Variants in EP400 observed in about 807,000 individuals in gnomAD.
The protein encoded by EP400 is E1A binding protein p400, also known as E1A-binding protein p400.
A neutral mutation model predicts 354.1 loss-of-function variants in EP400; 105 were observed. The ratio of observed to expected loss-of-function variants is 0.30; its 90% CI spans 0.25 to 0.35. The LOEUF is 0.35. Ranked by LOEUF, EP400 falls within the 10% of genes least tolerant of loss-of-function variation. The pLI, the probability that EP400 is intolerant of heterozygous loss-of-function variation, is 1.00. For synonymous variants in EP400, 1,646 were observed against 1,716.9 expected (o/e 0.96, Z 1.02); for missense variants, 3,280 against 4,121.0 (o/e 0.80, Z 5.59).
chr12:132,019,363 G>T (rs573183324), intron 21 of EP400, among the ~76,000 whole-genome samples: 1 of 152,178 alleles, frequency 6.6e-6, no homozygotes, highest in Admixed American at 6.5e-5. Context: ...TTTGATGGCC[G>T]TCTCTGCCTG....
At chr12:132,006,496 G>A (rs922394629) in intron 14 of EP400, among the ~76,000 whole-genome samples, 194 bp downstream of exon 14, 2 of 152,226 alleles carry the variant, frequency 1.3e-5, no homozygotes, top group African/African-American at 4.8e-5. Context: ...CTTAAGGCCA[G>A]ATGTTCAGGC....
chr12:132,013,058 A>G lies in EP400; in HGVS notation c.3491A>G (p.Gln1164Arg), dbSNP rs1398603627. 1 of 1,614,020 alleles carries G rather than the reference A, an allele frequency of 6.2e-7. No individual in the cohort carries two copies. Among genetic ancestry groups the G allele is most frequent in the Non-Finnish European group, 8.5e-7 (1 of 1,180,040 alleles). ...SFHVCITSYT[Q>R]FFRGLTAFTR... ...CACGTCTGCATCACGTCCTACACTC[A>G]GTTCTTCCGGGGCCTCACCGCCTTC... is the stretch of plus-strand genomic sequence containing the variant. Residue 1164 changes from glutamine (Q) to arginine (R), a missense_variant, in exon 17 of 53, where the codon CAG becomes CGG. Gln to Arg is a conservative substitution (Grantham distance 43). This residue lies in a region of EP400 where 242 missense variants were observed against 357.9 expected (regional missense o/e 0.68). Transcript: ENST00000389561. This position sits in a 1 kb window ranked among gnomAD's most constrained non-coding sequence, Gnocchi z 4.5.
At chr12:132,033,560 G>A (rs1894595580) in intron 30 of EP400, among the ~76,000 whole-genome samples, 1 of 146,522 alleles carries the variant, frequency 6.8e-6, no homozygotes. Flanking sequence ...TTTTTTTTGA[G>A]ACGGTCTGTT....
intron 12 of EP400, among the ~76,000 whole-genome samples, chr12:131,996,081 A>G (rs1758817337): frequency 6.6e-6 from 1 of 152,186 alleles, no homozygotes; most frequent in Non-Finnish European, 1.5e-5. Flanking sequence ...AGGTGTTGCT[A>G]TCAGTGTCTT....
chr12:131,996,842 G>A (rs773610131), intron 12 of EP400, among the ~76,000 whole-genome samples: 9 of 152,166 alleles, frequency 5.9e-5, no homozygotes, highest in Middle Eastern at 3.4e-3. Context: ...TGTTGGTGAT[G>A]GTCTTTATAT....
intron 12 of EP400, among the ~76,000 whole-genome samples, chr12:132,004,820 C>T (rs1334657504): frequency 6.6e-6 from 1 of 152,150 alleles, no homozygotes; most frequent in East Asian, 1.9e-4. Context: ...TCTCATCATT[C>T]CCCTTGCATC....
chr12:131,962,188 A>G (rs6598182), intron 2 of EP400, among the ~76,000 whole-genome samples: 106,592 of 152,132 alleles, frequency 0.7, 42,547 homozygotes, highest in Non-Finnish European at 0.89. Context: ...GAGCTGCGCT[A>G]TGATGAGTGC....
chr12:131,980,979 A>G (rs1016923020), intron 3 of EP400, among the ~76,000 whole-genome samples: 14 of 152,246 alleles, frequency 9.2e-5, no homozygotes, highest in East Asian at 3.8e-4. Context: ...ACTGCCATCA[A>G]CAATTTCTGG....
intron 2 of EP400, among the ~76,000 whole-genome samples, chr12:131,973,054 A>C (rs960863909): frequency 6.6e-6 from 1 of 152,172 alleles, no homozygotes; most frequent in Non-Finnish European, 1.5e-5. Context: ...GTTATGTTGC[A>C]TATATACCAG....
intron 3 of EP400, among the ~76,000 whole-genome samples, chr12:131,980,148 G>A (rs1193251078): frequency 1.3e-5 from 2 of 152,102 alleles, no homozygotes; most frequent in Non-Finnish European, 2.9e-5. Flanking sequence ...TTATATAAAA[G>A]ACTTCAACAG....
intron 29 of EP400, chr12:132,031,259 T>C (rs1489370434): frequency 9.6e-6 from 5 of 519,084 alleles, no homozygotes; most frequent in African/African-American, 5.8e-5. Flanking sequence ...TTTTGTTGCC[T>C]GTAAAGTGCT....
At position 132,061,526 on chromosome 12, in the gene EP400, A is replaced by G. The variant is rs201022299; in HGVS notation, c.7885-584A>G. 5.3e-5 allele frequency among the ~76,000 whole-genome samples: 8 copies of G among 152,338 alleles called. No homozygotes were observed. The East Asian group carries it at 1.4e-3, about 26-fold the overall frequency. The stretch of plus-strand genomic sequence containing the variant: ...CATGATTGCGTTTGCCTTCCAGTTT[A>G]TGGTGGGACAAGGAAGGACGGTGAG... On this transcript the variant is annotated intron_variant, in intron 45 of 52. Transcript: ENST00000389561.
In EP400 at chr12:132,029,547, T is replaced by C; in HGVS notation, c.5382-154T>C. 1 of 793,998 alleles carries C rather than the reference T, an allele frequency of 1.3e-6. No homozygotes were observed. Among genetic ancestry groups the C allele is most frequent in the Non-Finnish European group, 2.0e-6 (1 of 499,854 alleles). The allele number at this position is 793,998 out of a possible 1,614,324, so 49.2% of individuals were successfully genotyped here. A position where few individuals can be genotyped will look rare whatever the true frequency, so the allele number is the denominator to read the frequency against. On this transcript the variant is annotated intron_variant, in intron 27 of 52. Transcript: ENST00000389561. The surrounding 1 kb of genome is among the most constrained non-coding windows in gnomAD (Gnocchi z 4.7). ...ATCTGCCTCGTTGGGCCCCTGCCCG[T>C]GTGCCAACACCCACATCCCCATGTG...
chr12:131,991,336 C>T (rs1593330862), intron 9 of EP400, 71 bp from the exon 10 acceptor site: 2 of 1,530,376 alleles, frequency 1.3e-6, no homozygotes, highest in Non-Finnish European at 1.8e-6. Context: ...CAGGACCCTG[C>T]CTGGAAAGCA....
chr12:131,971,553 T>C (rs990090697), intron 2 of EP400, among the ~76,000 whole-genome samples: 2 of 152,208 alleles, frequency 1.3e-5, no homozygotes, highest in African/African-American at 2.4e-5. Flanking sequence ...TTGAGGAACC[T>C]TCATACTGAT....
chr12:132,053,940 TCCTACA>T (rs1895395646), intron 43 of EP400, among the ~76,000 whole-genome samples: 1 of 152,232 alleles, frequency 6.6e-6, no homozygotes, highest in Admixed American at 6.5e-5. Flanking sequence ...CTTCCTGACT[TCCTACA>T]CACTTAGAGA....
intron 12 of EP400, among the ~76,000 whole-genome samples, chr12:131,999,982 T>C (rs1448045158): frequency 2.7e-5 from 4 of 150,342 alleles, no homozygotes; most frequent in African/African-American, 9.7e-5. Context: ...TCAGATTCTT[T>C]TTTTTTTTTT....
At chr12:132,030,236 T>C (rs910150408) in intron 29 of EP400, 78 bp downstream of exon 29, 1 of 1,514,580 alleles carries the variant, frequency 6.6e-7, no homozygotes, top group Admixed American at 1.8e-5. Context: ...GTAAATTCAG[T>C]GGTCTCATGG....
chr12:132,002,819 C>A (rs901820748), intron 12 of EP400, among the ~76,000 whole-genome samples: 1 of 152,172 alleles, frequency 6.6e-6, no homozygotes, highest in African/African-American at 2.4e-5. Context: ...TCCTGGGGAT[C>A]CCATTGTCTT....
Sources: allele counts gnomAD v4.1 joint callset (sites outside exome capture counted in the v4.1 genomes callset), GRCh38; gene constraint gnomAD v4.1.1; regional missense constraint gnomAD v4.1.1; non-coding constraint Gnocchi (gnomAD v3.1); transcripts MANE v1.5; gene names NCBI Gene and HGNC (gene_info 2026-07-23, HGNC 2026-07-21).